The following WIPF2 variants were observed in gnomAD, a reference collection of about 807,000 sequenced individuals.
The protein encoded by WIPF2 is WAS/WASL-interacting protein family member 2.
Under a neutral mutation model 38.8 loss-of-function variants are expected in WIPF2, and 23 were observed. The ratio of observed to expected loss-of-function variants is 0.59; its 90% CI spans 0.43 to 0.84. The LOEUF is 0.84. WIPF2 is among the 40% of genes least tolerant of loss of function. The pLI is 0.00. For missense variants in WIPF2, 574 were observed against 580.5 expected, an observed-to-expected ratio of 0.99 and a Z score of 0.11; for synonymous variants, 210 against 223.2, an observed-to-expected ratio of 0.94 and a Z score of 0.53.
chr17:40,277,009 A>G, intron 6 of WIPF2, 74 bp from the exon 7 acceptor site: 1 of 1,272,170 alleles, frequency 7.9e-7, no homozygotes, highest in African/African-American at 1.5e-5. Context: ...GTAAGTGGGG[A>G]GGGTCGAAGC....
chr17:40,225,895 A>G (rs571820043), intron 1 of WIPF2, among the ~76,000 whole-genome samples: 9 of 152,130 alleles, frequency 5.9e-5, no homozygotes, highest in Non-Finnish European at 1.3e-4. Flanking sequence ...CGGCCTCCCA[A>G]AGTGCTGGGA....
chr17:40,270,896 G>GTGTGTGTGTGTGTGTGTGTGTA (rs2032231560), intron 5 of WIPF2, among the ~76,000 whole-genome samples: 1 of 152,112 alleles, frequency 6.6e-6, no homozygotes, highest in Admixed American at 6.5e-5. Context: ...GTGTGTGTGT[G>GTGTGTGTGTGTGTGTGTGTGTA]TGTGTATGTT....
chr17:40,253,052 C>T (rs1203339926), intron 1 of WIPF2, among the ~76,000 whole-genome samples: 1 of 150,988 alleles, frequency 6.6e-6, no homozygotes, highest in East Asian at 2.0e-4. Context: ...AGGCATTAGC[C>T]ACCGCGCCTG....
chr17:40,233,419 C>T (rs555650394), intron 1 of WIPF2, among the ~76,000 whole-genome samples: 51 of 151,852 alleles, frequency 3.4e-4, no homozygotes, highest in African/African-American at 9.9e-4. Flanking sequence ...TTGTTTTTAA[C>T]CACTTTTGCA....
At chr17:40,222,597 G>GTGTGTGTGTGTGTA in intron 1 of WIPF2, among the ~76,000 whole-genome samples, 1 of 147,318 alleles carries the variant, frequency 6.8e-6, no homozygotes, top group Non-Finnish European at 1.5e-5. Context: ...TTGTGTGTGT[G>GTGTGTGTGTGTGTA]TGTGTGTGTC....
intron 5 of WIPF2, among the ~76,000 whole-genome samples, chr17:40,266,725 G>A (rs2032099666): frequency 2.0e-5 from 3 of 152,140 alleles, no homozygotes; most frequent in Admixed American, 2.0e-4. Flanking sequence ...GATGGAATGA[G>A]TAGCATGAAA....
At chr17:40,260,290 C>T (rs1025963087) in intron 2 of WIPF2, among the ~76,000 whole-genome samples, 14 of 147,772 alleles carry the variant, frequency 9.5e-5, no homozygotes, top group South Asian at 2.1e-4. Context: ...TGGGTTCAAG[C>T]GATTCTCCTG....
At chr17:40,228,737 T>C (rs541107947) in intron 1 of WIPF2, among the ~76,000 whole-genome samples, 1 of 152,082 alleles carries the variant, frequency 6.6e-6, no homozygotes, top group African/African-American at 2.4e-5. Flanking sequence ...CAAGCAGTCC[T>C]CCCACCTCAG....
intron 2 of WIPF2, among the ~76,000 whole-genome samples, chr17:40,258,522 T>A (rs1460453668): frequency 6.6e-6 from 1 of 151,518 alleles, no homozygotes; most frequent in Non-Finnish European, 1.5e-5. Flanking sequence ...AACCAGGGAG[T>A]CAGGGTTGCA....
chr17:40,274,670 G>C (rs1399453710), intron 6 of WIPF2, among the ~76,000 whole-genome samples: 1 of 151,266 alleles, frequency 6.6e-6, no homozygotes, highest in Non-Finnish European at 1.5e-5. Context: ...GATTGGGCGT[G>C]GTGGCTCATG....
rs1229955416 is a variant in WIPF2, at chr17:40,248,191, G to A, written c.-69-8200G>A. 6.7e-4 allele frequency among the ~76,000 whole-genome samples: 5 copies of A among 7,452 alleles called. No individual in the cohort carries two copies. The South Asian group carries it at 0.013, about 19-fold the overall frequency. 4.9% of individuals were successfully genotyped at this position (7,452 alleles called of 152,430 possible). A position where few individuals can be genotyped will look rare whatever the true frequency, so the allele number is the denominator to read the frequency against. ...TTTTTTTTTTTTTTTTTTTTTTTTT[G>A]AGACTCTCTGTTGCCCAGGCTGGAG... On this transcript the variant is annotated intron_variant, in intron 1 of 7. Transcript: ENST00000323571.
chr17:40,227,032 C>T lies in WIPF2; in HGVS notation c.-70+7540C>T, dbSNP rs145797494. ...CTGGGATTACAGGCGTGAGCCACCA[C>T]GCCCAGCCTATTTATTTATTTTTTT... On this transcript the variant is annotated intron_variant, in intron 1 of 7. Transcript: ENST00000323571. Among the ~76,000 whole-genome samples the T allele has an allele frequency of 1.3e-3, 195 of 152,018 alleles. 2 individuals are homozygous for T. The highest frequency in any genetic ancestry group is 4.5e-3 in the African/African-American group (185 of 41,448).
At position 40,282,237 on chromosome 17, in the gene WIPF2, A is replaced by G. The variant is rs748951389; in HGVS notation, c.*4012A>G. 4.6e-5 allele frequency: 7 copies of G among 151,978 alleles called. No individual in the cohort carries two copies. Among genetic ancestry groups the G allele is most frequent in the African/African-American group, 7.3e-5 (3 of 41,346 alleles). The allele number at this position is 151,978 out of a possible 1,614,324, so 9.4% of individuals were successfully genotyped here. ...GTGCTTTCTTCCTTTCCCTCTTTGAAGCAATTAAAATCTTCCTTGATAACT... is the reference window on the plus strand; with the variant it reads ...GTGCTTTCTTCCTTTCCCTCTTTGAGGCAATTAAAATCTTCCTTGATAACT... On this transcript the variant is annotated 3_prime_UTR_variant, in exon 8 of 8. Coordinates refer to ENST00000323571, the MANE Select transcript of WIPF2 (RefSeq NM_133264.5).
chr17:40,239,758 G>A (rs1056338253), intron 1 of WIPF2, among the ~76,000 whole-genome samples: 35 of 147,178 alleles, frequency 2.4e-4, no homozygotes, highest in East Asian at 1.6e-3. Context: ...GTGCAGTGGC[G>A]CTATCTTGGC....
Position 40,264,934 on chromosome 17 carries a change from C to T in WIPF2, c.758C>T (p.Pro253Leu), listed in dbSNP as rs539901548. Residue 253 changes from proline to leucine, a missense_variant, in exon 5 of 8, where the codon CCG becomes CTG. Coordinates refer to ENST00000323571, the MANE Select transcript of WIPF2 (RefSeq NM_133264.5). ...GGCCAGTCTCTGGCTCCTCCTCCTC[C>T]GCCTTACCGCCAGCCTCCTGGGGTC... ...PSGQSLAPPP[P>L]PYRQPPGVPN... 55 of 1,614,226 alleles carry T rather than the reference C, an allele frequency of 3.4e-5. No individual in the cohort carries two copies. The highest frequency in any genetic ancestry group is 3.3e-4 in the Middle Eastern group (2 of 6,062).
At position 40,223,251 on chromosome 17, in the gene WIPF2, C is replaced by A. The variant is rs943023655; in HGVS notation, c.-70+3759C>A. Reference sequence around the variant, plus strand: ...CTCTGTCTCCTGGGTTCAAGCAATTCTCCTGGCTCAGCCTCCCAAGTAGCT... The same window carrying A: ...CTCTGTCTCCTGGGTTCAAGCAATTATCCTGGCTCAGCCTCCCAAGTAGCT... On this transcript the variant is annotated intron_variant, in intron 1 of 7. Transcript: ENST00000323571. Among the ~76,000 whole-genome samples the A allele has an allele frequency of 3.3e-5, 5 of 152,058 alleles. No homozygotes were observed. The South Asian group carries it at 8.3e-4, about 25-fold the overall frequency.
intron 1 of WIPF2, among the ~76,000 whole-genome samples, chr17:40,252,794 G>A (rs908169212): frequency 4.0e-5 from 6 of 150,202 alleles, no homozygotes; most frequent in Admixed American, 6.7e-5. Flanking sequence ...ATGGAGTTTC[G>A]CTCTTGTTGC....
intron 1 of WIPF2, among the ~76,000 whole-genome samples, chr17:40,255,767 T>G (rs764619122): frequency 1.3e-5 from 2 of 151,838 alleles, no homozygotes; most frequent in Non-Finnish European, 2.9e-5. Flanking sequence ...TAGCTGGGAC[T>G]GCAGGCGCCC....
At position 40,239,046 on chromosome 17, in the gene WIPF2, T is replaced by TTTATTTATTTA. The variant is rs1555560742; in HGVS notation, c.-69-17343_-69-17342insATTTATTTATT. Among the ~76,000 whole-genome samples the TTTATTTATTTA allele has an allele frequency of 3.6e-5, 5 of 138,762 alleles. No individual in the cohort carries two copies. The East Asian group carries it at 8.6e-4, about 24-fold the overall frequency. The allele number at this position is 138,762 out of a possible 152,430, so 91.0% of individuals were successfully genotyped here. The stretch of plus-strand genomic sequence containing the variant: ...CTGTGTCTGGCTTCTGTTTATTTTA[T>TTTATTTATTTA]TTTATTTATTTATTTATTTATTTAT... On this transcript the variant is annotated intron_variant, in intron 1 of 7. Transcript: ENST00000323571.
Sources: allele counts gnomAD v4.1 joint callset (sites outside exome capture counted in the v4.1 genomes callset), GRCh38; gene constraint gnomAD v4.1.1; transcripts MANE v1.5; gene names NCBI Gene and HGNC (gene_info 2026-07-23, HGNC 2026-07-21).